CCDC117: variants seen among roughly 807,000 people sequenced by gnomAD.
CCDC117 encodes coiled-coil domain containing 117.
In CCDC117, 1 loss-of-function variant was observed where a neutral mutation model predicts 23.5. The observed-to-expected ratio is 0.04, with a 90% confidence interval of 0.02 to 0.20. The LOEUF is 0.20. Ranked by LOEUF, CCDC117 falls within the 10% of genes least tolerant of loss-of-function variation. The pLI is 1.00. For synonymous variants in CCDC117, 132 were observed against 124.8 expected (o/e 1.06, Z -0.39); for missense variants, 383 against 348.2 (o/e 1.10, Z -0.80).
chr22:28,772,942 CT>C lies in CCDC117; in HGVS notation c.95del (p.Phe32SerfsTer52). 1 of 1,219,086 alleles carries C rather than the reference CT, an allele frequency of 8.2e-7. No individual in the cohort carries two copies. The highest frequency in any genetic ancestry group is 1.0e-6 in the Non-Finnish European group (1 of 979,580). The allele number at this position is 1,219,086 out of a possible 1,614,324, so 75.5% of individuals were successfully genotyped here. Reference sequence around the variant, plus strand: ...CGCAGCCGGCCTTCCCCGGCCGGGCCTTCCCGCCGGGGGCTGACGGCGCCGA... The same window carrying C: ...CGCAGCCGGCCTTCCCCGGCCGGGCCTCCCGCCGGGGGCTGACGGCGCCGA... ...PPQPAFPGRAFPPGADGAELA... is the reference protein window; with the variant it reads ...PPQPAFPGRAXPPGADGAELA... On this transcript the variant is annotated frameshift_variant, in exon 1 of 5. Coordinates refer to ENST00000249064, the MANE Select transcript of CCDC117 (RefSeq NM_173510.4). LOFTEE classifies it high-confidence loss of function.
intron 3 of CCDC117, 107 bp from the exon 4 acceptor site, chr22:28,783,401 C>T: frequency 9.1e-7 from 1 of 1,093,074 alleles, no homozygotes; most frequent in Non-Finnish European, 1.3e-6. Context: ...TGCTGTATTA[C>T]TTACTGCTTT....
At chr22:28,780,685 T>C (rs1457267263) in intron 2 of CCDC117, among the ~76,000 whole-genome samples, 1 of 152,124 alleles carries the variant, frequency 6.6e-6, no homozygotes, top group Non-Finnish European at 1.5e-5. Flanking sequence ...AGGAATGACT[T>C]TAAGGTCCCA....
rs892375588 is a variant in CCDC117 at position 28,779,194 on chromosome 22, C to CTTTA, written c.240-1734_240-1731dup. On this transcript the variant is annotated intron_variant, in intron 2 of 4. Coordinates refer to ENST00000249064, the MANE Select transcript of CCDC117 (RefSeq NM_173510.4). Reference sequence around the variant, plus strand: ...TTTCTGCTTTTCAAAATATCACATACTTTATTTATTTATTTATTTATTTTT... The same window carrying CTTTA: ...TTTCTGCTTTTCAAAATATCACATACTTTATTTATTTATTTATTTATTTATTTTT... Among the ~76,000 whole-genome samples, 28 of 88,342 alleles carry CTTTA rather than the reference C, an allele frequency of 3.2e-4. 1 individual carries two copies. The South Asian group carries it at 3.7e-3, about 12-fold the overall frequency. The allele number at this position is 88,342 out of a possible 152,430, so 58.0% of individuals were successfully genotyped here. A position where few individuals can be genotyped will look rare whatever the true frequency, so the allele number is the denominator to read the frequency against.
chr22:28,778,006 C>T (rs1310065126), intron 2 of CCDC117, among the ~76,000 whole-genome samples: 4 of 151,836 alleles, frequency 2.6e-5, no homozygotes, highest in African/African-American at 4.8e-5. Context: ...CCACCACGCC[C>T]GGCAAATTTT....
rs112733786 is a variant in CCDC117, at chr22:28,781,086, A to G, written c.378A>G (p.Leu126=). ...GTGGCCTTTCCATACCTGGGATATT[A>G]GATGTTATTTGTGAAGAAATGGATC... ...SVSGLSIPGI[L]DVICEEMDQT... is the part of the protein sequence containing the mutation. Residue 126 remains leucine (L), a synonymous_variant, in exon 3 of 5, where the codon TTA becomes TTG. Transcript: ENST00000249064. 549 of 1,613,990 alleles carry G rather than the reference A, an allele frequency of 3.4e-4. 3 individuals are homozygous for G. In the African/African-American group the frequency reaches 5.5e-3, roughly 16 times the overall value.
At chr22:28,775,818 A>G (rs2031146137) in intron 2 of CCDC117, among the ~76,000 whole-genome samples, 1 of 152,010 alleles carries the variant, frequency 6.6e-6, no homozygotes, top group East Asian at 1.9e-4. Flanking sequence ...AATCGTTTGA[A>G]CCTGGGCGGC....
rs966809844 is a variant in CCDC117, at chr22:28,772,835, C to G, written c.-15C>G. The G allele has an allele frequency of 1.6e-6, 2 of 1,225,952 alleles. No individual in the cohort carries two copies. The highest frequency in any genetic ancestry group is 2.0e-6 in the Non-Finnish European group (2 of 983,862). The allele number at this position is 1,225,952 out of a possible 1,614,324, so 75.9% of individuals were successfully genotyped here. A position where few individuals can be genotyped will look rare whatever the true frequency, so the allele number is the denominator to read the frequency against. ...CGGCCGAGGCCGCCGTCGCAGCCTC[C>G]TCGTCTCGCCGGCTATGGCTGCGCT... is the stretch of plus-strand genomic sequence containing the variant. On this transcript the variant is annotated 5_prime_UTR_variant, in exon 1 of 5. Coordinates refer to ENST00000249064, the MANE Select transcript of CCDC117 (RefSeq NM_173510.4).
intron 3 of CCDC117, among the ~76,000 whole-genome samples, 174 bp downstream of exon 3, chr22:28,781,346 T>TTTTTTTTTTTTTTTTTTTTTTTG (rs2031323698): frequency 1.0e-4 from 1 of 9,746 alleles, no homozygotes; most frequent in Non-Finnish European, 1.6e-4. Context: ...TTTTTTTTTT[T>TTTTTTTTTTTTTTTTTTTTTTTG]TTTTTTTTTT....
intron 4 of CCDC117, 72 bp downstream of exon 4, chr22:28,783,717 C>A: frequency 7.0e-7 from 1 of 1,429,664 alleles, no homozygotes; most frequent in South Asian, 1.2e-5. Context: ...ATTCTGCCCA[C>A]CCTGTCCTCA....
At position 28,786,519 on chromosome 22, in the gene CCDC117, C is replaced by T; in HGVS notation, c.*193C>T. 1.8e-6 allele frequency: 1 copy of T among 546,604 alleles called. No homozygotes were observed. Among genetic ancestry groups the T allele is most frequent in the Non-Finnish European group, 3.2e-6 (1 of 310,084 alleles). The allele number at this position is 546,604 out of a possible 1,614,324, so 33.9% of individuals were successfully genotyped here. On this transcript the variant is annotated 3_prime_UTR_variant, in exon 5 of 5. Coordinates refer to ENST00000249064, the MANE Select transcript of CCDC117 (RefSeq NM_173510.4). ...TCACCTTTTTGCCAAGGACGTTTGT[C>T]TCAAGGGAAAAGCAGTTTTCTGTGG...
At chr22:28,782,232 C>T (rs1021936895) in intron 3 of CCDC117, among the ~76,000 whole-genome samples, 70 of 146,136 alleles carry the variant, frequency 4.8e-4, no homozygotes, top group Non-Finnish European at 3.7e-4. Flanking sequence ...GCTACTGTGC[C>T]GGGCCAGTCT....
chr22:28,782,250 CTTTTTTT>C (rs34670753), intron 3 of CCDC117, among the ~76,000 whole-genome samples: 3 of 80,320 alleles, frequency 3.7e-5, no homozygotes, highest in South Asian at 6.3e-4. Flanking sequence ...TCTACTGAGC[CTTTTTTT>C]TTTTTTTTTT....
At position 28,787,729 on chromosome 22, in the gene CCDC117, A is replaced by C. The variant is rs191500643; in HGVS notation, c.*1403A>C. ...GGGGCTGATAGGGCAAAATAAAATG[A>C]CAATTTCTTTATTGCTACAGAGTAT... On this transcript the variant is annotated 3_prime_UTR_variant, in exon 5 of 5. Transcript: ENST00000249064. 4 of 152,554 alleles carry C rather than the reference A, an allele frequency of 2.6e-5. No individual in the cohort carries two copies. The East Asian group carries it at 7.7e-4, about 29-fold the overall frequency. 9.5% of individuals were successfully genotyped at this position (152,554 alleles called of 1,614,324 possible).
At chr22:28,784,881 C>T (rs1184188380) in intron 4 of CCDC117, among the ~76,000 whole-genome samples, 2 of 152,056 alleles carry the variant, frequency 1.3e-5, no homozygotes, top group African/African-American at 4.8e-5. Flanking sequence ...CGCCATTCTC[C>T]TGCTCAGCCT....
At chr22:28,780,682 A>G (rs952488141) in intron 2 of CCDC117, among the ~76,000 whole-genome samples, 1 of 152,128 alleles carries the variant, frequency 6.6e-6, no homozygotes, top group Admixed American at 6.6e-5. Flanking sequence ...AGCAGGAATG[A>G]CTTTAAGGTC....
At position 28,776,428 on chromosome 22, in the gene CCDC117, CTT is replaced by C. The variant is rs201989433; in HGVS notation, c.239+2662_239+2663del. Among the ~76,000 whole-genome samples the C allele has an allele frequency of 2.1e-5, 3 of 144,790 alleles. No homozygotes were observed. In the East Asian group the frequency reaches 6.0e-4, roughly 29 times the overall value. 95.0% of individuals were successfully genotyped at this position (144,790 alleles called of 152,430 possible). On this transcript the variant is annotated intron_variant, in intron 2 of 4. Transcript: ENST00000249064. ...ATGCTGGCAGTATTGTATATCTTTT[CTT>C]TTTTTTTTTTTCCCTGGAGTTTTGC...
At chr22:28,782,559 C>T (rs2031381686) in intron 3 of CCDC117, among the ~76,000 whole-genome samples, 3 of 152,162 alleles carry the variant, frequency 2.0e-5, no homozygotes, top group Non-Finnish European at 4.4e-5. Flanking sequence ...CTGCCTCAAT[C>T]TCCTGAGTAG....
chr22:28,775,962 A>G (rs2031151520), intron 2 of CCDC117, among the ~76,000 whole-genome samples: 2 of 152,184 alleles, frequency 1.3e-5, no homozygotes, highest in African/African-American at 4.8e-5. Context: ...AAAGCGTTCA[A>G]CCTCATTAGT....
Position 28,772,799 on chromosome 22 carries a change from G to A in CCDC117, c.-51G>A, listed in dbSNP as rs2031022520. 3 of 1,212,878 alleles carry A rather than the reference G, an allele frequency of 2.5e-6. No individual in the cohort carries two copies. Among genetic ancestry groups the A allele is most frequent in the Admixed American group, 4.3e-5 (1 of 23,022 alleles). The allele number at this position is 1,212,878 out of a possible 1,614,324, so 75.1% of individuals were successfully genotyped here. A position where few individuals can be genotyped will look rare whatever the true frequency, so the allele number is the denominator to read the frequency against. On this transcript the variant is annotated 5_prime_UTR_variant, in exon 1 of 5. Coordinates refer to ENST00000249064, the MANE Select transcript of CCDC117 (RefSeq NM_173510.4). ...AGCTGTGGCTGCGGCTGCCGGGCCTGGGGACGCGGGCGGCCGAGGCCGCCG... is the reference window on the plus strand; with the variant it reads ...AGCTGTGGCTGCGGCTGCCGGGCCTAGGGACGCGGGCGGCCGAGGCCGCCG...
Sources: allele counts gnomAD v4.1 joint callset (sites outside exome capture counted in the v4.1 genomes callset), GRCh38; gene constraint gnomAD v4.1.1; transcripts MANE v1.5; gene names NCBI Gene and HGNC (gene_info 2026-07-23, HGNC 2026-07-21).